Variants in ADGRD1 observed in about 807,000 individuals in gnomAD.
ADGRD1 encodes the protein G-protein coupled receptor 133.
A neutral mutation model predicts 113.4 loss-of-function variants in ADGRD1; 77 were observed. The ratio of observed to expected loss-of-function variants is 0.68; its 90% CI spans 0.57 to 0.82. The LOEUF (loss-of-function observed/expected upper bound fraction) is 0.82, where lower values mean the gene tolerates loss of function less well. Among genes scored for constraint, ADGRD1 ranks in the 40% least tolerant of loss-of-function variants. The pLI is 0.00. For synonymous variants in ADGRD1, 474 were observed against 475.0 expected (o/e 1.00, Z 0.03); for missense variants, 1,036 against 1,139.1 (o/e 0.91, Z 1.30).
chr12:131,034,884 T>G (rs1370751034), intron 13 of ADGRD1, among the ~76,000 whole-genome samples: 2 of 152,150 alleles, frequency 1.3e-5, no homozygotes, highest in South Asian at 2.1e-4. Flanking sequence ...GCCTGGGGCC[T>G]GCAGGACCTC....
intron 8 of ADGRD1, among the ~76,000 whole-genome samples, chr12:130,996,663 C>A (rs1316245733): frequency 1.0e-5 from 1 of 96,738 alleles, no homozygotes; most frequent in Non-Finnish European, 2.2e-5. Flanking sequence ...GGGGGCTGAC[C>A]CCCCCACCTC....
At chr12:130,955,280 G>T (rs1363816516) in intron 2 of ADGRD1, among the ~76,000 whole-genome samples, 1 of 152,054 alleles carries the variant, frequency 6.6e-6, no homozygotes, top group Non-Finnish European at 1.5e-5. Context: ...CTTCAGGGCA[G>T]ATTCACTGGT....
At chr12:131,091,583 C>T (rs547679243) in intron 15 of ADGRD1, among the ~76,000 whole-genome samples, 2 of 152,352 alleles carry the variant, frequency 1.3e-5, no homozygotes, top group South Asian at 2.1e-4. Flanking sequence ...TGTAAAGCCA[C>T]GCCAAAATCC....
intron 13 of ADGRD1, among the ~76,000 whole-genome samples, chr12:131,028,710 C>T (rs1216800781): frequency 6.6e-6 from 1 of 152,124 alleles, no homozygotes; most frequent in Non-Finnish European, 1.5e-5. Flanking sequence ...TCCCCTAGTG[C>T]TGTGGTGCCG....
chr12:131,021,654 C>G (rs1444057964), intron 13 of ADGRD1, among the ~76,000 whole-genome samples: 1 of 152,158 alleles, frequency 6.6e-6, no homozygotes. Flanking sequence ...CAGACAGTGT[C>G]TTCTCCCTAT....
At chr12:131,088,667 G>C (rs1886675120) in intron 15 of ADGRD1, among the ~76,000 whole-genome samples, 1 of 152,160 alleles carries the variant, frequency 6.6e-6, no homozygotes, top group Non-Finnish European at 1.5e-5. Context: ...GGTCGTGAGG[G>C]GCAGGAGGCG....
At chr12:130,996,032 G>A (rs1324492579) in intron 8 of ADGRD1, among the ~76,000 whole-genome samples, 1 of 152,056 alleles carries the variant, frequency 6.6e-6, no homozygotes, top group Non-Finnish European at 1.5e-5. Flanking sequence ...ATCTTGCACC[G>A]CCCTTAATCC....
intron 18 of ADGRD1, among the ~76,000 whole-genome samples, chr12:131,115,810 T>C (rs1950450934): frequency 6.6e-6 from 1 of 152,110 alleles, no homozygotes. Context: ...ATACAGATTA[T>C]TGCAAGATCA....
At chr12:131,121,239 C>G (rs1023543523) in intron 20 of ADGRD1, among the ~76,000 whole-genome samples, 5 of 152,178 alleles carry the variant, frequency 3.3e-5, no homozygotes, top group African/African-American at 9.7e-5. Flanking sequence ...TCTCACCCAC[C>G]GGCTAGCTCC....
At position 131,029,168 on chromosome 12, in the gene ADGRD1, T is replaced by C. The variant is rs558523884; in HGVS notation, c.1473+14828T>C. On this transcript the variant is annotated intron_variant, in intron 13 of 24. Coordinates refer to ENST00000261654, the MANE Select transcript of ADGRD1 (RefSeq NM_198827.5). The stretch of plus-strand genomic sequence containing the variant: ...GTGGAGTGTTTGTTTTGTTAGTGAC[T>C]TCTGAGAGCTCTCGATGTAGTTCCA... Among the ~76,000 whole-genome samples, 16 of 152,376 alleles carry C rather than the reference T, an allele frequency of 1.1e-4. No individual in the cohort carries two copies. The South Asian group carries it at 2.7e-3, about 26-fold the overall frequency.
intron 2 of ADGRD1, among the ~76,000 whole-genome samples, chr12:130,964,709 A>C (rs1301097226): frequency 1.3e-5 from 2 of 152,172 alleles, no homozygotes; most frequent in African/African-American, 4.8e-5. Flanking sequence ...GTAAATAAAA[A>C]ATAAAAGACC....
intron 17 of ADGRD1, among the ~76,000 whole-genome samples, chr12:131,106,711 G>A (rs1566115821): frequency 6.6e-6 from 1 of 152,148 alleles, no homozygotes; most frequent in Non-Finnish European, 1.5e-5. Flanking sequence ...TGCATGTCCT[G>A]GGGCTGCTGC....
intron 13 of ADGRD1, among the ~76,000 whole-genome samples, chr12:131,062,980 G>A (rs544172232): frequency 6.6e-6 from 1 of 152,158 alleles, no homozygotes; most frequent in Non-Finnish European, 1.5e-5. Context: ...TCCCAATGAT[G>A]AGTGATGTTG....
At chr12:131,029,324 C>A (rs995537385) in intron 13 of ADGRD1, among the ~76,000 whole-genome samples, 5 of 152,350 alleles carry the variant, frequency 3.3e-5, no homozygotes, top group East Asian at 1.9e-4. Flanking sequence ...GTGCCTCCCC[C>A]TCCTCTGCTC....
At chr12:131,035,500 G>A (rs566185254) in intron 13 of ADGRD1, 19 of 152,230 alleles carry the variant, frequency 1.2e-4, no homozygotes, top group Non-Finnish European at 2.4e-4. Context: ...CTTCAGTAGC[G>A]TCTGTTTTCT....
intron 13 of ADGRD1, among the ~76,000 whole-genome samples, chr12:131,055,779 G>C (rs1883815916): frequency 6.6e-6 from 1 of 152,210 alleles, no homozygotes; most frequent in South Asian, 2.1e-4. Context: ...GAGCTTCACA[G>C]AGCATATCTC....
rs1950398379 is a variant in ADGRD1 at position 131,113,752 on chromosome 12, C to T, written c.2042-4633C>T. 6.6e-6 allele frequency among the ~76,000 whole-genome samples: 1 copy of T among 152,136 alleles called. No homozygotes were observed. Among genetic ancestry groups the T allele is most frequent in the South Asian group, 2.1e-4 (1 of 4,816 alleles). ...CCTCACTGCTCATGCTGTATCATCA[C>T]GAGGATGCTTTTGCACACGCTGGTC... On this transcript the variant is annotated intron_variant, in intron 18 of 24. Transcript: ENST00000261654. The surrounding 1 kb of genome is among the most constrained non-coding windows in gnomAD (Gnocchi z 4.9).
At chr12:130,988,671 A>G (rs573442247) in intron 6 of ADGRD1, 1 of 152,292 alleles carries the variant, frequency 6.6e-6, no homozygotes, top group South Asian at 2.1e-4. Context: ...TCTGCGTTTG[A>G]CCCTGCCCTC....
intron 20 of ADGRD1, among the ~76,000 whole-genome samples, chr12:131,121,309 G>A (rs1950587462): frequency 6.6e-6 from 1 of 152,202 alleles, no homozygotes; most frequent in Admixed American, 6.5e-5. Flanking sequence ...GAAGCCTCCT[G>A]GGAACCACAC....
Sources: allele counts gnomAD v4.1 joint callset (sites outside exome capture counted in the v4.1 genomes callset), GRCh38; gene constraint gnomAD v4.1.1; non-coding constraint Gnocchi (gnomAD v3.1); transcripts MANE v1.5; gene names NCBI Gene and HGNC (gene_info 2026-07-23, HGNC 2026-07-21).